Variants in USP8 observed in about 807,000 individuals in gnomAD.
USP8 encodes the protein ubiquitin carboxyl-terminal hydrolase 8.
Under a neutral mutation model 130.0 loss-of-function variants are expected in USP8, and 27 were observed. The observed-to-expected ratio is 0.21, with a 90% CI of 0.15 to 0.29. The LOEUF is 0.29. USP8 is among the 10% of genes least tolerant of loss of function. USP8 has a pLI of 1.00. For missense variants in USP8, 1,029 were observed against 1,312.2 expected, an observed-to-expected ratio of 0.78 and a Z score of 3.33; for synonymous variants, 392 against 444.1, an observed-to-expected ratio of 0.88 and a Z score of 1.48.
chr15:50,449,602 G>C (rs990400942), intron 4 of USP8, 117 bp downstream of exon 4: 2 of 689,086 alleles, frequency 2.9e-6, no homozygotes, highest in Non-Finnish European at 4.2e-6. Flanking sequence ...TTTTGAGACA[G>C]AGTCTCGCGC....
chr15:50,424,788 A>T (rs1365040827), intron 1 of USP8: 3 of 308,742 alleles, frequency 9.7e-6, no homozygotes, highest in Non-Finnish European at 1.7e-5. Flanking sequence ...TCTCTTGGAC[A>T]CTTATACCCG....
Position 50,439,014 on chromosome 15 carries a change from A to C in USP8, c.-60A>C, listed in dbSNP as rs2050167302. Reference sequence around the variant, plus strand: ...ATTATTTGTATTTGTTTCAGGAAAGAAGCACTTGTAAGGAAATATAGCATC... The same window carrying C: ...ATTATTTGTATTTGTTTCAGGAAAGCAGCACTTGTAAGGAAATATAGCATC... On this transcript the variant is annotated 5_prime_UTR_variant, in exon 2 of 20. Coordinates refer to ENST00000307179, the MANE Select transcript of USP8 (RefSeq NM_005154.5). The C allele has an allele frequency of 8.5e-7, 1 of 1,178,732 alleles. No individual in the cohort carries two copies. Among genetic ancestry groups the C allele is most frequent in the East Asian group, 2.4e-5 (1 of 41,242 alleles). 73.0% of individuals were successfully genotyped at this position (1,178,732 alleles called of 1,614,324 possible).
intron 1 of USP8, among the ~76,000 whole-genome samples, chr15:50,435,446 A>G (rs532644957): frequency 1.3e-5 from 2 of 152,162 alleles, no homozygotes; most frequent in Non-Finnish European, 2.9e-5. Context: ...ATCTTACACC[A>G]TTTTATATCA....
At chr15:50,459,996 C>CCCTTT (rs567135111) in intron 5 of USP8, among the ~76,000 whole-genome samples, 12 of 91,972 alleles carry the variant, frequency 1.3e-4, no homozygotes, top group Non-Finnish European at 2.3e-4. Context: ...CACCCCCCCC[C>CCCTTT]TTTTTTTTTT....
rs139914293 is a variant in USP8 at position 50,445,270 on chromosome 15, G to A, written c.249+3777G>A. Among the ~76,000 whole-genome samples, 613 of 151,890 alleles carry A rather than the reference G, an allele frequency of 4.0e-3. 5 individuals carry two copies. The highest frequency in any genetic ancestry group is 0.014 in the African/African-American group (584 of 41,454). ...AGAAAATGTTAGAGATTTAGGCTGG[G>A]CGCAATGGCTCACCCCTGTAATCCC... On this transcript the variant is annotated intron_variant, in intron 3 of 19. Coordinates refer to ENST00000307179, the MANE Select transcript of USP8 (RefSeq NM_005154.5).
chr15:50,506,082 C>G lies in USP8; in HGVS notation c.*6994C>G, dbSNP rs2052654317. 6.6e-6 allele frequency: 1 copy of G among 152,230 alleles called. No homozygotes were observed. Among genetic ancestry groups the G allele is most frequent in the Non-Finnish European group, 1.5e-5 (1 of 68,042 alleles). The allele number at this position is 152,230 out of a possible 1,614,324, so 9.4% of individuals were successfully genotyped here. A position where few individuals can be genotyped will look rare whatever the true frequency, so the allele number is the denominator to read the frequency against. On this transcript the variant is annotated 3_prime_UTR_variant, in exon 20 of 20. Coordinates refer to ENST00000307179, the MANE Select transcript of USP8 (RefSeq NM_005154.5). ...TAACTTTAGGCTTTAAGTATGAAAG[C>G]TGTCGTTTTTTAGCATAATTACTAA... is the stretch of plus-strand genomic sequence containing the variant.
intron 1 of USP8, chr15:50,424,739 T>C: frequency 2.7e-6 from 1 of 372,702 alleles, no homozygotes; most frequent in Non-Finnish European, 4.8e-6. Context: ...TTTCGTGTGT[T>C]TTTTTGGTTT....
Position 50,443,282 on chromosome 15 carries a change from G to A in USP8, c.249+1789G>A, listed in dbSNP as rs144039263. Among the ~76,000 whole-genome samples the A allele has an allele frequency of 1.4e-3, 216 of 151,990 alleles. 1 individual carries two copies. The East Asian group carries it at 0.019, about 14-fold the overall frequency. On this transcript the variant is annotated intron_variant, in intron 3 of 19. Transcript: ENST00000307179. ...TATCGAACTCCTGACCTTGTGATCC[G>A]CCCCTCTCGTTCTCCCAAAGTGCTG...
In USP8 at chr15:50,505,598, C is replaced by A. The variant is rs547728146; in HGVS notation, c.*6510C>A. 6.6e-6 allele frequency: 1 copy of A among 152,266 alleles called. No homozygotes were observed. The highest frequency in any genetic ancestry group is 1.9e-4 in the East Asian group (1 of 5,188). 9.4% of individuals were successfully genotyped at this position (152,266 alleles called of 1,614,324 possible). A position where few individuals can be genotyped will look rare whatever the true frequency, so the allele number is the denominator to read the frequency against. On this transcript the variant is annotated 3_prime_UTR_variant, in exon 20 of 20. Coordinates refer to ENST00000307179, the MANE Select transcript of USP8 (RefSeq NM_005154.5). ...TTAACAAAAAAGACTGATGAAGATC[C>A]GGGCAAATATAACCCAATATGAACA...
At chr15:50,461,402 G>T (rs1025481196) in intron 5 of USP8, among the ~76,000 whole-genome samples, 2 of 146,024 alleles carry the variant, frequency 1.4e-5, no homozygotes, top group Non-Finnish European at 3.0e-5. Context: ...GGTCCAGGCT[G>T]CAGTGATCAT....
chr15:50,485,562 T>A (rs1163564042), intron 12 of USP8, among the ~76,000 whole-genome samples: 1 of 127,406 alleles, frequency 7.8e-6, no homozygotes, highest in African/African-American at 3.2e-5. Flanking sequence ...TTTTTTTTTT[T>A]TTTTTTTTTT....
intron 15 of USP8, 102 bp downstream of exon 15, chr15:50,493,015 T>C: frequency 8.8e-7 from 1 of 1,136,480 alleles, no homozygotes; most frequent in Non-Finnish European, 1.3e-6. Context: ...ACAAAATACC[T>C]AAGACTAGAT....
chr15:50,430,420 A>G lies in USP8; in HGVS notation c.-66+5906A>G, dbSNP rs566840193. The stretch of plus-strand genomic sequence containing the variant: ...CTCATGGCATTCTAAGACTCCCCCA[A>G]TTAGACAGGGTCTCCCTCTATTGCT... On this transcript the variant is annotated intron_variant, in intron 1 of 19. Transcript: ENST00000307179. 1.4e-3 allele frequency among the ~76,000 whole-genome samples: 216 copies of G among 152,160 alleles called. 3 individuals are homozygous for G. Among genetic ancestry groups the G allele is most frequent in the African/African-American group, 4.8e-3 (199 of 41,526 alleles).
intron 8 of USP8, among the ~76,000 whole-genome samples, chr15:50,472,557 A>G (rs2051415621): frequency 6.7e-6 from 1 of 148,772 alleles, no homozygotes; most frequent in Non-Finnish European, 1.5e-5. Context: ...AGATCGCACC[A>G]CTGCACTCCA....
chr15:50,494,183 T>C lies in USP8; in HGVS notation c.2561T>C (p.Ile854Thr). Residue 854 changes from isoleucine to threonine, a missense_variant, in exon 16 of 20, where the codon ATT becomes ACT. By Grantham distance (89) the Ile-to-Thr change is moderately conservative. Transcript: ENST00000307179. ...AGTCCAAAGGACTTTAAAATCACCA[T>C]TGGGAAGATCAATGACCAGTTTGCA... is the stretch of plus-strand genomic sequence containing the variant. ...YISPKDFKIT[I>T]GKINDQFAGY... The C allele has an allele frequency of 6.2e-7, 1 of 1,613,884 alleles. No individual in the cohort carries two copies. The highest frequency in any genetic ancestry group is 8.5e-7 in the Non-Finnish European group (1 of 1,179,984).
At position 50,501,407 on chromosome 15, in the gene USP8, G is replaced by C. The variant is rs759880157; in HGVS notation, c.*2319G>C. The C allele has an allele frequency of 6.6e-6, 1 of 152,156 alleles. No homozygotes were observed. The highest frequency in any genetic ancestry group is 2.4e-5 in the African/African-American group (1 of 41,292). 9.4% of individuals were successfully genotyped at this position (152,156 alleles called of 1,614,324 possible). ...GAGGATCTCTCGAGCCTGAGAGGTCGAGGCTGCAATGAGCCGTGATTGTAC... is the reference window on the plus strand; with the variant it reads ...GAGGATCTCTCGAGCCTGAGAGGTCCAGGCTGCAATGAGCCGTGATTGTAC... On this transcript the variant is annotated 3_prime_UTR_variant, in exon 20 of 20. Transcript: ENST00000307179.
At chr15:50,462,509 TGGG>T (rs1220124353) in intron 6 of USP8, among the ~76,000 whole-genome samples, 187 bp downstream of exon 6, 4 of 152,186 alleles carry the variant, frequency 2.6e-5, no homozygotes, top group African/African-American at 9.6e-5. Context: ...GTATTTATCA[TGGG>T]GGGATATTTT....
chr15:50,462,344 A>G (rs2051036994), intron 6 of USP8, 22 bp downstream of exon 6: 1 of 1,584,346 alleles, frequency 6.3e-7, no homozygotes, highest in Non-Finnish European at 8.5e-7. Context: ...CAGAAGGAGG[A>G]AGTTGTTTTA....
chr15:50,485,242 G>A (rs764881012), intron 12 of USP8, among the ~76,000 whole-genome samples: 6 of 151,860 alleles, frequency 4.0e-5, no homozygotes, highest in East Asian at 3.9e-4. Context: ...TCAGGAGATC[G>A]AGATCATCCT....
Sources: allele counts gnomAD v4.1 joint callset (sites outside exome capture counted in the v4.1 genomes callset), GRCh38; gene constraint gnomAD v4.1.1; transcripts MANE v1.5; gene names NCBI Gene and HGNC (gene_info 2026-07-23, HGNC 2026-07-21).